The following CDH13 variants were observed in gnomAD, a reference collection of about 807,000 sequenced individuals.
CDH13 encodes the protein cadherin 13, also known as cadherin-13.
Under a neutral mutation model 63.8 loss-of-function variants are expected in CDH13, and 24 were observed. The observed-to-expected ratio is 0.38, with a 90% CI of 0.27 to 0.53. The LOEUF is 0.53. Ranked by LOEUF, CDH13 falls within the 20% of genes least tolerant of loss-of-function variation. CDH13 has a pLI of 0.85. For missense variants in CDH13, 1,049 were observed against 903.1 expected, an observed-to-expected ratio of 1.16 and a Z score of -2.07; for synonymous variants, 503 against 355.3, an observed-to-expected ratio of 1.42 and a Z score of -4.67.
In CDH13 at chr16:83,783,409, G is replaced by A. The variant is rs377371675; in HGVS notation, c.2071G>A (p.Ala691Thr). Reference sequence around the variant, plus strand: ...CAGGAATTCCAAAGTGGACTGCAACGCGGCAGGGGCCCTGCGCTTCAGCCT... The same window carrying A: ...CAGGAATTCCAAAGTGGACTGCAACACGGCAGGGGCCCTGCGCTTCAGCCT... ...SCRNSKVDCN[A>T]AGALRFSLPS... The change falls in exon 13 of 14, where the codon GCG (alanine) becomes ACG (threonine). Residue 691 changes from alanine to threonine, a missense_variant. By Grantham distance (58) the Ala-to-Thr change is moderately conservative. Transcript: ENST00000567109. The A allele has an allele frequency of 3.8e-5, 61 of 1,613,858 alleles. No homozygotes were observed. Among genetic ancestry groups the A allele is most frequent in the Middle Eastern group, 1.6e-4 (1 of 6,084 alleles).
At chr16:83,251,515 C>G (rs1905526855) in intron 5 of CDH13, among the ~76,000 whole-genome samples, 1 of 152,162 alleles carries the variant, frequency 6.6e-6, no homozygotes, top group Admixed American at 6.5e-5. Flanking sequence ...AACCTCAGCC[C>G]TATGGGACAC....
At chr16:82,997,606 T>C (rs964878575) in intron 2 of CDH13, among the ~76,000 whole-genome samples, 4 of 152,204 alleles carry the variant, frequency 2.6e-5, no homozygotes, top group Non-Finnish European at 4.4e-5. Flanking sequence ...ATTTTATACT[T>C]GATGAAACAA....
intron 2 of CDH13, among the ~76,000 whole-genome samples, chr16:83,026,426 A>G (rs1240561520): frequency 2.0e-5 from 3 of 152,316 alleles, no homozygotes; most frequent in Admixed American, 1.3e-4. Context: ...TGATGCTTAT[A>G]TATTTATAGA....
intron 5 of CDH13, among the ~76,000 whole-genome samples, chr16:83,309,959 T>C (rs1292493773): frequency 6.6e-5 from 10 of 152,154 alleles, no homozygotes; most frequent in Non-Finnish European, 1.5e-4. Flanking sequence ...AGCAAAACAT[T>C]TATGAAAGGG....
chr16:82,800,659 A>G (rs1032651631), intron 1 of CDH13, among the ~76,000 whole-genome samples: 5 of 152,208 alleles, frequency 3.3e-5, no homozygotes, highest in Admixed American at 3.3e-4. Context: ...GCATATTTAC[A>G]TACATTTGCA....
intron 2 of CDH13, among the ~76,000 whole-genome samples, chr16:83,012,300 G>C (rs1054890239): frequency 6.8e-6 from 1 of 147,324 alleles, no homozygotes; most frequent in Non-Finnish European, 1.5e-5. Context: ...ACAATTTGGG[G>C]GTTGTTTGGT....
rs539355886 is a variant in CDH13, at chr16:82,647,400, G to A, written c.45+20263G>A. Among the ~76,000 whole-genome samples, 12 of 152,288 alleles carry A rather than the reference G, an allele frequency of 7.9e-5. No homozygotes were observed. In the South Asian group the frequency reaches 1.9e-3, roughly 24 times the overall value. The stretch of plus-strand genomic sequence containing the variant: ...CGGATGCTGTGAGGAGGATTTGAGT[G>A]CAATAAATTCTCTTGGGAGGTGGTC... On this transcript the variant is annotated intron_variant, in intron 1 of 13. Transcript: ENST00000567109.
At chr16:82,983,381 A>G (rs1189534333) in intron 2 of CDH13, among the ~76,000 whole-genome samples, 1 of 152,142 alleles carries the variant, frequency 6.6e-6, no homozygotes, top group Non-Finnish European at 1.5e-5. Flanking sequence ...TTCAATTTTA[A>G]CTTGCATTTG....
At chr16:83,773,398 A>G (rs779372534) in intron 11 of CDH13, among the ~76,000 whole-genome samples, 2 of 152,224 alleles carry the variant, frequency 1.3e-5, no homozygotes, top group Non-Finnish European at 2.9e-5. Context: ...GGGAGGCCTC[A>G]GGAAACTTAC....
At chr16:83,303,360 T>C (rs532455684) in intron 5 of CDH13, among the ~76,000 whole-genome samples, 4 of 152,264 alleles carry the variant, frequency 2.6e-5, no homozygotes, top group East Asian at 3.9e-4. Flanking sequence ...ACTTTCTTCA[T>C]TGGGGAATGA....
At chr16:83,181,632 G>A (rs36101797) in intron 4 of CDH13, among the ~76,000 whole-genome samples, 4 of 152,082 alleles carry the variant, frequency 2.6e-5, no homozygotes, top group Non-Finnish European at 2.9e-5. Context: ...GAGTTGAGCC[G>A]CATGCTGAAA....
chr16:83,044,383 A>G (rs1186210105), intron 3 of CDH13, among the ~76,000 whole-genome samples: 1 of 152,254 alleles, frequency 6.6e-6, no homozygotes, highest in Non-Finnish European at 1.5e-5. Flanking sequence ...GTTAGTAATA[A>G]AAAATAAATC....
chr16:83,233,508 T>G (rs1392283886), intron 5 of CDH13, among the ~76,000 whole-genome samples: 8 of 152,214 alleles, frequency 5.3e-5, no homozygotes, highest in Admixed American at 5.2e-4. Flanking sequence ...AAGTCCGACA[T>G]GGTTCTCACT....
chr16:83,396,526 C>A (rs2091889267), intron 6 of CDH13: 1 of 152,070 alleles, frequency 6.6e-6, no homozygotes, highest in South Asian at 2.1e-4. Context: ...ATCATAATGA[C>A]CTTATTTTGA....
chr16:83,033,817 C>T (rs1423749827), intron 3 of CDH13, among the ~76,000 whole-genome samples: 1 of 152,202 alleles, frequency 6.6e-6, no homozygotes, highest in Non-Finnish European at 1.5e-5. Flanking sequence ...AGCAGGATTC[C>T]AGCCAAACAA....
At chr16:83,776,191 G>C (rs1222072724) in intron 11 of CDH13, among the ~76,000 whole-genome samples, 1 of 152,162 alleles carries the variant, frequency 6.6e-6, no homozygotes, top group African/African-American at 2.4e-5. Context: ...GTTCACAAAA[G>C]GCCAATTCTT....
chr16:83,267,447 G>T (rs2088658754), intron 5 of CDH13, among the ~76,000 whole-genome samples: 2 of 152,278 alleles, frequency 1.3e-5, no homozygotes, highest in Admixed American at 1.3e-4. Context: ...CCCTTTCTGT[G>T]TGTGCGATGA....
chr16:82,813,989 G>A (rs778902568), intron 1 of CDH13, among the ~76,000 whole-genome samples: 6 of 152,102 alleles, frequency 3.9e-5, no homozygotes, highest in Non-Finnish European at 7.4e-5. Flanking sequence ...ACATACTTGA[G>A]TTCCTATTCA....
intron 2 of CDH13, among the ~76,000 whole-genome samples, chr16:82,906,415 T>C (rs1401015088): frequency 2.0e-5 from 3 of 152,164 alleles, no homozygotes; most frequent in Non-Finnish European, 4.4e-5. Context: ...GGAAACCCCT[T>C]GAAGCAATCA....
Sources: allele counts gnomAD v4.1 joint callset (sites outside exome capture counted in the v4.1 genomes callset), GRCh38; gene constraint gnomAD v4.1.1; transcripts MANE v1.5; gene names NCBI Gene and HGNC (gene_info 2026-07-23, HGNC 2026-07-21).